Variants in CLSTN2 observed in about 807,000 individuals in gnomAD.
CLSTN2 encodes calsyntenin 2.
Under a neutral mutation model 101.2 loss-of-function variants are expected in CLSTN2, and 48 were observed. The ratio of observed to expected loss-of-function variants is 0.47; its 90% CI spans 0.38 to 0.60. The LOEUF (loss-of-function observed/expected upper bound fraction) is 0.60. CLSTN2 is among the 20% of genes least tolerant of loss of function. CLSTN2 has a pLI of 0.00. For missense variants in CLSTN2, 1,160 were observed against 1,238.2 expected, an observed-to-expected ratio of 0.94 and a Z score of 0.95; for synonymous variants, 481 against 463.6, an observed-to-expected ratio of 1.04 and a Z score of -0.48.
At chr3:140,404,067 T>G (rs137940141) in intron 3 of CLSTN2, among the ~76,000 whole-genome samples, 3 of 152,358 alleles carry the variant, frequency 2.0e-5, no homozygotes, top group Admixed American at 6.5e-5. Context: ...GGTCTGAGTT[T>G]AGGTGTCACT....
chr3:140,177,182 C>T (rs76502258), intron 2 of CLSTN2, among the ~76,000 whole-genome samples: 1 of 152,130 alleles, frequency 6.6e-6, no homozygotes, highest in Admixed American at 6.5e-5. Flanking sequence ...GAATGAAAAC[C>T]ACTAAGGGTA....
At chr3:140,276,265 T>G (rs2086794281) in intron 2 of CLSTN2, among the ~76,000 whole-genome samples, 1 of 152,204 alleles carries the variant, frequency 6.6e-6, no homozygotes, top group Non-Finnish European at 1.5e-5. Flanking sequence ...TAACTGAGAA[T>G]GCATATGTAT....
intron 2 of CLSTN2, among the ~76,000 whole-genome samples, chr3:140,252,993 C>A (rs2086576727): frequency 6.6e-6 from 1 of 152,036 alleles, no homozygotes; most frequent in African/African-American, 2.4e-5. Flanking sequence ...ATAGCCCCAC[C>A]CCTCCCCACC....
At chr3:140,501,762 AG>A (rs1934582164) in intron 8 of CLSTN2, among the ~76,000 whole-genome samples, 1 of 152,222 alleles carries the variant, frequency 6.6e-6, no homozygotes, top group Non-Finnish European at 1.5e-5. Context: ...CTTGAGTGAT[AG>A]TACTGCTTAG....
At chr3:140,059,749 C>G (rs1245115667) in intron 1 of CLSTN2, among the ~76,000 whole-genome samples, 1 of 152,214 alleles carries the variant, frequency 6.6e-6, no homozygotes, top group African/African-American at 2.4e-5. Flanking sequence ...GGTCTCTTCT[C>G]CATTCAGGCT....
chr3:140,365,573 G>C (rs937540471), intron 2 of CLSTN2, among the ~76,000 whole-genome samples: 2 of 152,114 alleles, frequency 1.3e-5, no homozygotes, highest in Admixed American at 6.5e-5. Flanking sequence ...GGACAGCAAG[G>C]CTATTGTGAT....
At chr3:140,326,253 C>G (rs2087331399) in intron 2 of CLSTN2, among the ~76,000 whole-genome samples, 1 of 152,196 alleles carries the variant, frequency 6.6e-6, no homozygotes, top group Non-Finnish European at 1.5e-5. Context: ...TCTTCATGTC[C>G]TTGTCAGCAG....
intron 2 of CLSTN2, among the ~76,000 whole-genome samples, chr3:140,297,882 T>C (rs1348386893): frequency 1.3e-5 from 2 of 152,350 alleles, no homozygotes; most frequent in East Asian, 3.9e-4. Context: ...GGTTTCATCC[T>C]GATAAACCCA....
chr3:140,368,619 G>A (rs888925714), intron 2 of CLSTN2, among the ~76,000 whole-genome samples: 5 of 152,236 alleles, frequency 3.3e-5, no homozygotes, highest in African/African-American at 7.2e-5. Flanking sequence ...AGGCCACTTA[G>A]GCATCCTTCC....
At chr3:140,145,043 T>C (rs531858707) in intron 1 of CLSTN2, among the ~76,000 whole-genome samples, 1 of 152,366 alleles carries the variant, frequency 6.6e-6, no homozygotes, top group Admixed American at 6.5e-5. Context: ...CACCTTGGAA[T>C]AGTTTGATTA....
At chr3:140,031,499 T>G (rs1414649799) in intron 1 of CLSTN2, among the ~76,000 whole-genome samples, 2 of 152,246 alleles carry the variant, frequency 1.3e-5, no homozygotes, top group Non-Finnish European at 2.9e-5. Flanking sequence ...GCTGGTATCC[T>G]TAGCTAGCCA....
At chr3:140,523,801 G>A (rs1199161479) in intron 8 of CLSTN2, among the ~76,000 whole-genome samples, 2 of 152,112 alleles carry the variant, frequency 1.3e-5, no homozygotes, top group South Asian at 2.1e-4. Flanking sequence ...CTCATTCTGT[G>A]GTTCCTCAAA....
intron 2 of CLSTN2, among the ~76,000 whole-genome samples, chr3:140,361,267 T>A (rs1395258552): frequency 6.6e-6 from 1 of 152,228 alleles, no homozygotes; most frequent in African/African-American, 2.4e-5. Context: ...CACAGTCATC[T>A]CAATTGCCAT....
intron 1 of CLSTN2, among the ~76,000 whole-genome samples, chr3:139,995,029 C>T (rs1291728114): frequency 6.6e-6 from 1 of 152,170 alleles, no homozygotes; most frequent in Admixed American, 6.5e-5. Flanking sequence ...CTGACATTTG[C>T]TGGGGCACCT....
At position 140,508,387 on chromosome 3, in the gene CLSTN2, A is replaced by C. The variant is rs1047990079; in HGVS notation, c.1345-23937A>C. On this transcript the variant is annotated intron_variant, in intron 8 of 16. Transcript: ENST00000458420. Reference sequence around the variant, plus strand: ...AGGGTCGCTAGCTCTTAATGCAATCATTTGTTCATTCATTCAGTCAGTCAG... The same window carrying C: ...AGGGTCGCTAGCTCTTAATGCAATCCTTTGTTCATTCATTCAGTCAGTCAG... 4 of 152,200 alleles carry C rather than the reference A, an allele frequency of 2.6e-5. No individual in the cohort carries two copies. In the East Asian group the frequency reaches 7.7e-4, roughly 29 times the overall value. The allele number at this position is 152,200 out of a possible 1,614,324, so 9.4% of individuals were successfully genotyped here.
chr3:140,280,751 G>A (rs529807422), intron 2 of CLSTN2, among the ~76,000 whole-genome samples: 19 of 152,262 alleles, frequency 1.2e-4, no homozygotes, highest in Admixed American at 3.9e-4. Context: ...AGTGGTAGAC[G>A]CACAGGTGTA....
At chr3:140,012,402 G>C (rs1013180217) in intron 1 of CLSTN2, among the ~76,000 whole-genome samples, 6 of 152,176 alleles carry the variant, frequency 3.9e-5, no homozygotes, top group African/African-American at 7.2e-5. Flanking sequence ...AGGACAGGCT[G>C]TCCAGAGCTT....
At chr3:140,468,666 G>A (rs566246721) in intron 8 of CLSTN2, among the ~76,000 whole-genome samples, 3 of 152,286 alleles carry the variant, frequency 2.0e-5, no homozygotes, top group Non-Finnish European at 4.4e-5. Flanking sequence ...AGTAGCTTGC[G>A]CAAGGTCACA....
At position 140,562,931 on chromosome 3, in the gene CLSTN2, A is replaced by G; in HGVS notation, c.2333A>G (p.Tyr778Cys). 6.2e-7 allele frequency: 1 copy of G among 1,614,144 alleles called. No homozygotes were observed. The highest frequency in any genetic ancestry group is 1.1e-5 in the South Asian group (1 of 91,078). The part of the protein sequence containing the change: ...RIKCSELNGR[Y>C]TSNEFNLEVS... ...AAGTGCTCAGAACTCAATGGGCGCT[A>G]CACTAGCAATGAGTTCAACTTGGAG... The change falls in exon 14 of 17, where the codon TAC (tyrosine) becomes TGC (cysteine). Residue 778 changes from tyrosine to cysteine, a missense_variant. Transcript: ENST00000458420.
Sources: gnomAD v4.1 joint callset for allele counts (sites outside exome capture counted in the v4.1 genomes callset) on GRCh38, gnomAD v4.1.1 for gene constraint, MANE v1.5 for transcripts, NCBI Gene and HGNC (gene_info 2026-07-23, HGNC 2026-07-21) for gene names.